Variants in LYPD8 observed in about 807,000 individuals in gnomAD.
LYPD8 encodes the protein ly6/PLAUR domain-containing protein 8.
In LYPD8, 8 loss-of-function variants were observed where a neutral mutation model predicts 1.7. The ratio of observed to expected loss-of-function variants is 4.58; its 90% CI spans 2.69 to 8.27. The LOEUF (loss-of-function observed/expected upper bound fraction) is 8.27. Among genes scored for constraint, LYPD8 ranks in the 30% most tolerant of loss-of-function variants. LYPD8 has a pLI of 0.00. For synonymous variants in LYPD8, 50 were observed against 43.6 expected, an observed-to-expected ratio of 1.15 and a Z score of -0.58; for missense variants, 112 against 102.3, an observed-to-expected ratio of 1.09 and a Z score of -0.41.
At position 248,739,530 on chromosome 1, in the gene LYPD8, G is replaced by A; in HGVS notation, c.*81C>T. 1.3e-6 allele frequency: 2 copies of A among 1,535,394 alleles called. No individual in the cohort carries two copies. The highest frequency in any genetic ancestry group is 1.8e-6 in the Non-Finnish European group (2 of 1,137,962). ...AGTTAAACGGGGCAGAGCAGGGAAA[G>A]AGGGTGTCAGCACCGCAGGGGGTGC... On this transcript the variant is annotated 3_prime_UTR_variant, in exon 7 of 7. Coordinates refer to ENST00000590317, the MANE Select transcript of LYPD8 (RefSeq NM_001085474.2). This position sits in a 1 kb window ranked among gnomAD's most constrained non-coding sequence, Gnocchi z 4.3.
chr1:248,749,928 A>C, intron 4 of LYPD8, among the ~76,000 whole-genome samples: 1 of 152,252 alleles, frequency 6.6e-6, no homozygotes, highest in South Asian at 2.1e-4. Flanking sequence ...GTAGTAAAAA[A>C]AAAAACTATA....
At chr1:248,751,154 C>T in intron 2 of LYPD8, 24 bp from the exon 3 acceptor site, 1 of 398,486 alleles carries the variant, frequency 2.5e-6, no homozygotes, top group Non-Finnish European at 4.4e-6. Context: ...AAGAAGGCAG[C>T]CCCGGGGCCT....
intron 2 of LYPD8, among the ~76,000 whole-genome samples, chr1:248,752,659 CCACACACACCACACCA>C (rs1662822702): frequency 2.2e-5 from 2 of 90,438 alleles, no homozygotes; most frequent in Non-Finnish European, 4.5e-5. Flanking sequence ...ACAACACACA[CCACACACACCACACCA>C]CACACACACC....
chr1:248,750,014 C>G (rs1279222427), intron 4 of LYPD8, among the ~76,000 whole-genome samples: 1 of 151,762 alleles, frequency 6.6e-6, no homozygotes, highest in African/African-American at 2.4e-5. Flanking sequence ...ACTCTTTTTC[C>G]TACTTTAAAC....
At chr1:248,745,031 CCTTGTCCCA>C (rs1231890959) in intron 6 of LYPD8, 102 bp downstream of exon 6, 1 of 394,562 alleles carries the variant, frequency 2.5e-6, no homozygotes, top group African/African-American at 2.1e-5. Flanking sequence ...CCCTTATCCC[CCTTGTCCCA>C]CGACTCCCCT....
chr1:248,752,760 AC>A (rs1662827527), intron 2 of LYPD8, among the ~76,000 whole-genome samples: 2 of 82,462 alleles, frequency 2.4e-5, no homozygotes, highest in Admixed American at 1.3e-4. Flanking sequence ...CCCCACACAC[AC>A]CACACACCCC....
chr1:248,739,959 C>G lies in LYPD8; in HGVS notation c.476-110G>C. On this transcript the variant is annotated intron_variant, in intron 6 of 6. Transcript: ENST00000590317. This position sits in a 1 kb window ranked among gnomAD's most constrained non-coding sequence, Gnocchi z 4.3. Reference sequence around the variant, plus strand: ...ACGGTGGCCCGGTGACCAGCAAGAGCTGGTGTGCTCCTGAAGCCCAGGCAG... The same window carrying G: ...ACGGTGGCCCGGTGACCAGCAAGAGGTGGTGTGCTCCTGAAGCCCAGGCAG... 7.1e-7 allele frequency: 1 copy of G among 1,412,870 alleles called. No homozygotes were observed. The highest frequency in any genetic ancestry group is 9.5e-7 in the Non-Finnish European group (1 of 1,048,564). The allele number at this position is 1,412,870 out of a possible 1,614,324, so 87.5% of individuals were successfully genotyped here.
intron 2 of LYPD8, among the ~76,000 whole-genome samples, 159 bp downstream of exon 2, chr1:248,755,079 GA>G (rs1214727964): frequency 7.0e-4 from 106 of 152,280 alleles, no homozygotes; most frequent in African/African-American, 2.4e-3. Flanking sequence ...CATTTTCAGG[GA>G]GAATTGATGG....
At chr1:248,745,047 C>T in intron 6 of LYPD8, 95 bp downstream of exon 6, 1 of 396,060 alleles carries the variant, frequency 2.5e-6, no homozygotes, top group Non-Finnish European at 4.4e-6. Flanking sequence ...CCCACGACTC[C>T]CCTGGTCCTT....
At chr1:248,743,521 A>G (rs146698836) in intron 6 of LYPD8, among the ~76,000 whole-genome samples, 1,574 of 152,334 alleles carry the variant, frequency 0.01, 20 homozygotes, top group African/African-American at 0.025. Context: ...ATGGTGCTTG[A>G]CGCCGCTGAA....
At chr1:248,752,120 G>A (rs1662810200) in intron 2 of LYPD8, among the ~76,000 whole-genome samples, 2 of 152,016 alleles carry the variant, frequency 1.3e-5, no homozygotes, top group African/African-American at 4.8e-5. Flanking sequence ...ATGATTCTTC[G>A]AGGGTAGATA....
At chr1:248,744,786 T>C (rs1662702207) in intron 6 of LYPD8, among the ~76,000 whole-genome samples, 1 of 151,190 alleles carries the variant, frequency 6.6e-6, no homozygotes, top group South Asian at 2.1e-4. Context: ...AAAGTGTAGA[T>C]ATAAAAGGAA....
chr1:248,750,415 T>C (rs1005513344), intron 4 of LYPD8, 109 bp downstream of exon 4: 418 of 395,774 alleles, frequency 1.1e-3, no homozygotes, highest in Non-Finnish European at 1.6e-3. Flanking sequence ...TCCTCTCTCC[T>C]TGGACAGCAC....
At chr1:248,753,940 TAACATCACATGTCACACAC>T (rs1662883108) in intron 2 of LYPD8, among the ~76,000 whole-genome samples, 1 of 121,946 alleles carries the variant, frequency 8.2e-6, no homozygotes, top group South Asian at 2.6e-4. Context: ...ACACAACACA[TAACATCACATGTCACACAC>T]ATCACATGAC....
intron 3 of LYPD8, 86 bp downstream of exon 3, chr1:248,750,944 C>T (rs1045922344): frequency 1.0e-5 from 4 of 398,418 alleles, no homozygotes; most frequent in Non-Finnish European, 1.8e-5. Context: ...ACATGTGAGG[C>T]CCTCGGGGAT....
rs913090378 is a variant in LYPD8, at chr1:248,750,489, C to T, written c.172+35G>A. Reference sequence around the variant, plus strand: ...CTCCAGCTCCCTCCCGGTGCAAGCCCCAGAGGCAGGAAGGACACACACACC... The same window carrying T: ...CTCCAGCTCCCTCCCGGTGCAAGCCTCAGAGGCAGGAAGGACACACACACC... On this transcript the variant is annotated intron_variant, in intron 4 of 6. Coordinates refer to ENST00000590317, the MANE Select transcript of LYPD8 (RefSeq NM_001085474.2). 9.6e-4 allele frequency: 381 copies of T among 398,572 alleles called. 1 individual carries two copies. Among genetic ancestry groups the T allele is most frequent in the African/African-American group, 5.4e-3 (262 of 48,720 alleles). 24.7% of individuals were successfully genotyped at this position (398,572 alleles called of 1,614,324 possible).
chr1:248,754,358 T>C (rs1379583255), intron 2 of LYPD8, among the ~76,000 whole-genome samples: 2 of 141,534 alleles, frequency 1.4e-5, no homozygotes, highest in African/African-American at 2.7e-5. Context: ...CCACACCACA[T>C]ACCACACACA....
intron 2 of LYPD8, among the ~76,000 whole-genome samples, 185 bp from the exon 3 acceptor site, chr1:248,751,315 A>T (rs1020305672): frequency 2.0e-5 from 3 of 151,618 alleles, no homozygotes; most frequent in Non-Finnish European, 2.9e-5. Context: ...AAGTTTTCTT[A>T]ATCTCAGCCT....
chr1:248,746,000 A>C (rs1365794984), intron 5 of LYPD8, among the ~76,000 whole-genome samples: 3 of 152,374 alleles, frequency 2.0e-5, no homozygotes, highest in Non-Finnish European at 2.9e-5. Flanking sequence ...GCACAAGTAA[A>C]TATGAGAATC....
Sources: allele counts gnomAD v4.1 joint callset (sites outside exome capture counted in the v4.1 genomes callset), GRCh38; gene constraint gnomAD v4.1.1; non-coding constraint Gnocchi (gnomAD v3.1); transcripts MANE v1.5; gene names NCBI Gene and HGNC (gene_info 2026-07-23, HGNC 2026-07-21).